The following MACROD2 variants were observed in gnomAD, a reference collection of about 807,000 sequenced individuals.
MACROD2 encodes the protein ADP-ribose glycohydrolase MACROD2.
In MACROD2, 36 loss-of-function variants were observed where a neutral mutation model predicts 70.4. The observed-to-expected ratio is 0.51, with a 90% CI of 0.39 to 0.68. The LOEUF (loss-of-function observed/expected upper bound fraction) is 0.68. MACROD2 is among the 30% of genes least tolerant of loss of function. MACROD2 has a pLI of 0.00. For synonymous variants in MACROD2, 172 were observed against 178.8 expected (o/e 0.96, Z 0.30); for missense variants, 496 against 538.4 (o/e 0.92, Z 0.78).
intron 5 of MACROD2, among the ~76,000 whole-genome samples, chr20:15,013,396 C>T (rs1380981273): frequency 6.6e-6 from 1 of 152,118 alleles, no homozygotes; most frequent in Non-Finnish European, 1.5e-5. Context: ...TGATAAGCAA[C>T]TCAGAACCAC....
chr20:15,383,431 T>C (rs945127026), intron 6 of MACROD2, among the ~76,000 whole-genome samples: 6 of 152,198 alleles, frequency 3.9e-5, no homozygotes, highest in African/African-American at 1.4e-4. Context: ...CCAAGTTCCC[T>C]GAGTTAAGAA....
At chr20:14,291,819 G>T (rs2082388711) in intron 3 of MACROD2, among the ~76,000 whole-genome samples, 1 of 151,874 alleles carries the variant, frequency 6.6e-6, no homozygotes, top group Non-Finnish European at 1.5e-5. Flanking sequence ...TAATGCTTAA[G>T]AATTACTTTA....
At chr20:15,163,797 C>A (rs573055070) in intron 5 of MACROD2, among the ~76,000 whole-genome samples, 1 of 151,584 alleles carries the variant, frequency 6.6e-6, no homozygotes, top group Admixed American at 6.6e-5. Context: ...ACTATGTAAA[C>A]CTTTACAGAA....
At chr20:15,009,091 T>C (rs1177404226) in intron 5 of MACROD2, among the ~76,000 whole-genome samples, 1 of 152,172 alleles carries the variant, frequency 6.6e-6, no homozygotes, top group Non-Finnish European at 1.5e-5. Context: ...CTGCTCCAAA[T>C]GCTGGTTGCA....
At chr20:15,775,148 G>A (rs2051700527) in intron 8 of MACROD2, among the ~76,000 whole-genome samples, 1 of 152,088 alleles carries the variant, frequency 6.6e-6, no homozygotes, top group Admixed American at 6.6e-5. Flanking sequence ...TATTTAATAA[G>A]CTGTAGGAGG....
chr20:14,069,191 C>A (rs942722930), intron 2 of MACROD2, among the ~76,000 whole-genome samples: 4 of 152,244 alleles, frequency 2.6e-5, no homozygotes, highest in Non-Finnish European at 4.4e-5. Context: ...AAGTGATCAG[C>A]CTGCCTCGGC....
chr20:14,122,000 C>T (rs2054595512), intron 3 of MACROD2, among the ~76,000 whole-genome samples: 1 of 152,024 alleles, frequency 6.6e-6, no homozygotes, highest in Non-Finnish European at 1.5e-5. Context: ...ATTTTTTCCC[C>T]TTTAATTTCT....
Position 16,051,538 on chromosome 20 carries a change from C to T in MACROD2, c.*1662C>T, listed in dbSNP as rs949008350. The T allele has an allele frequency of 6.6e-6, 1 of 152,088 alleles. No homozygotes were observed. The highest frequency in any genetic ancestry group is 2.4e-5 in the African/African-American group (1 of 41,420). 9.4% of individuals were successfully genotyped at this position (152,088 alleles called of 1,614,324 possible). A position where few individuals can be genotyped will look rare whatever the true frequency, so the allele number is the denominator to read the frequency against. ...ATCAGCAAGAATGACATTTACGTGA[C>T]CTCATAATGTGGGATTATGGCCTTC... On this transcript the variant is annotated 3_prime_UTR_variant, in exon 18 of 18. Transcript: ENST00000684519.
At chr20:14,835,388 G>T (rs1475465638) in intron 5 of MACROD2, among the ~76,000 whole-genome samples, 3 of 152,054 alleles carry the variant, frequency 2.0e-5, no homozygotes, top group Non-Finnish European at 4.4e-5. Context: ...AGTCAGTAAG[G>T]TCTAAGAGAG....
At chr20:15,663,622 GA>G (rs11477819) in intron 8 of MACROD2, among the ~76,000 whole-genome samples, 15,786 of 148,284 alleles carry the variant, frequency 0.11, 1,159 homozygotes, top group Non-Finnish European at 0.15. Context: ...ACAACAGACA[GA>G]AAAAAAAAAC....
chr20:15,188,905 C>A (rs945758152), intron 5 of MACROD2, among the ~76,000 whole-genome samples: 22 of 152,146 alleles, frequency 1.4e-4, no homozygotes, highest in Non-Finnish European at 7.4e-5. Context: ...GTTACATAAA[C>A]CCTGAAGGGA....
At chr20:15,382,853 T>C (rs1370485462) in intron 6 of MACROD2, among the ~76,000 whole-genome samples, 1 of 152,004 alleles carries the variant, frequency 6.6e-6, no homozygotes, top group Admixed American at 6.6e-5. Flanking sequence ...AGACAGAAAT[T>C]TGGCCAAGAA....
At chr20:15,122,636 A>G (rs2076038846) in intron 5 of MACROD2, among the ~76,000 whole-genome samples, 1 of 152,154 alleles carries the variant, frequency 6.6e-6, no homozygotes, top group African/African-American at 2.4e-5. Flanking sequence ...TATTTTACTC[A>G]GATTTTTATT....
intron 8 of MACROD2, among the ~76,000 whole-genome samples, chr20:15,791,435 T>C (rs1415441616): frequency 6.6e-6 from 1 of 151,772 alleles, no homozygotes; most frequent in East Asian, 1.9e-4. Flanking sequence ...TTGTCTCTTG[T>C]GGGCAATTTT....
intron 4 of MACROD2, among the ~76,000 whole-genome samples, chr20:14,681,155 C>T (rs1375645829): frequency 6.6e-6 from 1 of 152,150 alleles, no homozygotes; most frequent in African/African-American, 2.4e-5. Context: ...AATTTGAACT[C>T]TCTTACATTG....
chr20:15,134,486 G>A lies in MACROD2; in HGVS notation c.419-95454G>A, dbSNP rs1385231368. On this transcript the variant is annotated intron_variant, in intron 5 of 17. Coordinates refer to ENST00000684519, the MANE Select transcript of MACROD2 (RefSeq NM_001351661.2). ...ATCACTACTGGGTACATAACGAAAT[G>A]AAGGCAGAAATAAAGATGTTCTTTG... 4.6e-5 allele frequency among the ~76,000 whole-genome samples: 7 copies of A among 152,158 alleles called. No individual in the cohort carries two copies. In the East Asian group the frequency reaches 1.4e-3, roughly 30 times the overall value.
At chr20:15,761,652 G>A (rs568051708) in intron 8 of MACROD2, among the ~76,000 whole-genome samples, 2 of 152,326 alleles carry the variant, frequency 1.3e-5, no homozygotes, top group East Asian at 3.9e-4. Flanking sequence ...AGGAGACAGG[G>A]TTGGGGCTAT....
chr20:16,039,181 A>T (rs1357736680), intron 15 of MACROD2, among the ~76,000 whole-genome samples: 1 of 151,968 alleles, frequency 6.6e-6, no homozygotes, highest in African/African-American at 2.4e-5. Flanking sequence ...TTACAATGCT[A>T]TTTTAAATAA....
At chr20:14,583,879 T>G (rs974632062) in intron 4 of MACROD2, among the ~76,000 whole-genome samples, 1 of 152,148 alleles carries the variant, frequency 6.6e-6, no homozygotes, top group Non-Finnish European at 1.5e-5. Flanking sequence ...GCATGAATAC[T>G]TGCTACTGGT....
Sources: gnomAD v4.1 joint callset for allele counts (sites outside exome capture counted in the v4.1 genomes callset) on GRCh38, gnomAD v4.1.1 for gene constraint, MANE v1.5 for transcripts, NCBI Gene and HGNC (gene_info 2026-07-23, HGNC 2026-07-21) for gene names.